The following PTPRD variants were observed in gnomAD, a reference collection of about 807,000 sequenced individuals.
The protein encoded by PTPRD is receptor-type tyrosine-protein phosphatase delta.
A neutral mutation model predicts 214.5 loss-of-function variants in PTPRD; 34 were observed. The ratio of observed to expected loss-of-function variants is 0.16; its 90% confidence interval spans 0.12 to 0.21. The LOEUF (loss-of-function observed/expected upper bound fraction) is 0.21. Among genes scored for constraint, PTPRD ranks in the 10% least tolerant of loss-of-function variants. The pLI is 1.00. For synonymous variants in PTPRD, 1,128 were observed against 845.7 expected, an observed-to-expected ratio of 1.33 and a Z score of -5.79; for missense variants, 2,545 against 2,398.7, an observed-to-expected ratio of 1.06 and a Z score of -1.27.
intron 5 of PTPRD, among the ~76,000 whole-genome samples, chr9:9,838,710 T>G (rs1032681809): frequency 1.2e-4 from 18 of 152,008 alleles, no homozygotes; most frequent in Non-Finnish European, 2.5e-4. Context: ...TCCCATTTTT[T>G]TAGGTTGCCT....
intron 3 of PTPRD, among the ~76,000 whole-genome samples, chr9:10,047,804 T>C (rs1372840906): frequency 6.6e-6 from 1 of 152,152 alleles, no homozygotes; most frequent in African/African-American, 2.4e-5. Flanking sequence ...CATAATTATT[T>C]CATCTACCAA....
chr9:9,047,423 A>G (rs972512405), intron 10 of PTPRD, among the ~76,000 whole-genome samples: 2 of 152,142 alleles, frequency 1.3e-5, no homozygotes, highest in Non-Finnish European at 2.9e-5. Flanking sequence ...CTTTGGAACC[A>G]CAAAGGAACC....
chr9:10,040,782 A>T (rs1389379126), intron 3 of PTPRD, among the ~76,000 whole-genome samples: 1 of 152,110 alleles, frequency 6.6e-6, no homozygotes, highest in African/African-American at 2.4e-5. Flanking sequence ...TTGAGCACTG[A>T]TAAACCTCAC....
intron 33 of PTPRD, among the ~76,000 whole-genome samples, chr9:8,457,034 C>T (rs775907256): frequency 2.0e-5 from 3 of 152,114 alleles, no homozygotes; most frequent in African/African-American, 4.8e-5. Flanking sequence ...TAAGAACTTT[C>T]AATTGCCTTG....
intron 10 of PTPRD, among the ~76,000 whole-genome samples, chr9:9,112,791 A>C (rs1348148996): frequency 2.0e-5 from 3 of 152,184 alleles, no homozygotes; most frequent in African/African-American, 7.2e-5. Flanking sequence ...ATTTCCAATG[A>C]GATAACATAA....
intron 2 of PTPRD, among the ~76,000 whole-genome samples, chr9:10,375,184 A>G (rs2097703994): frequency 6.6e-6 from 1 of 152,086 alleles, no homozygotes; most frequent in African/African-American, 2.4e-5. Flanking sequence ...TTACTGGGGC[A>G]AGTAACTAAA....
At chr9:10,564,453 A>G (rs1048801815) in intron 2 of PTPRD, among the ~76,000 whole-genome samples, 21 of 151,798 alleles carry the variant, frequency 1.4e-4, no homozygotes, top group African/African-American at 2.4e-4. Context: ...AAGAAAAAAA[A>G]AAAAGAAATT....
At chr9:8,577,999 T>C (rs1025319929) in intron 14 of PTPRD, among the ~76,000 whole-genome samples, 12 of 152,222 alleles carry the variant, frequency 7.9e-5, no homozygotes, top group Admixed American at 7.9e-4. Context: ...TTCATTCTTC[T>C]GAATATGCAA....
At chr9:8,905,938 T>C (rs1219509406) in intron 11 of PTPRD, among the ~76,000 whole-genome samples, 2 of 152,170 alleles carry the variant, frequency 1.3e-5, no homozygotes, top group Non-Finnish European at 2.9e-5. Context: ...AATATCACCA[T>C]AGACCAGCTT....
chr9:10,041,276 C>G (rs1027132505), intron 3 of PTPRD, among the ~76,000 whole-genome samples: 48 of 151,950 alleles, frequency 3.2e-4, no homozygotes, highest in African/African-American at 1.1e-3. Flanking sequence ...GAAAGACTGA[C>G]TATATCCTTG....
At chr9:10,139,091 G>A (rs1393042618) in intron 3 of PTPRD, among the ~76,000 whole-genome samples, 1 of 151,964 alleles carries the variant, frequency 6.6e-6, no homozygotes, top group Non-Finnish European at 1.5e-5. Flanking sequence ...AGAAAAAGAA[G>A]AAGTCAAACT....
intron 7 of PTPRD, among the ~76,000 whole-genome samples, chr9:9,638,137 T>A (rs2095831279): frequency 6.6e-6 from 1 of 152,178 alleles, no homozygotes; most frequent in Non-Finnish European, 1.5e-5. Context: ...AACCTGTGAT[T>A]TTTTCCTCTC....
rs1386322160 is a variant in PTPRD at position 8,485,889 on chromosome 9, G to A, written c.2928C>T (p.Asp976=). The A allele has an allele frequency of 1.9e-6, 3 of 1,614,020 alleles. No individual in the cohort carries two copies. Among genetic ancestry groups the A allele is most frequent in the African/African-American group, 2.7e-5 (2 of 74,912 alleles). ...TTAAGCCAGTGAGTGTCATAGTGGT[G>A]TCAGCTGGAACAATAAGCTGCTCCA... ...LPMEQLIVPA[D]TTMTLTGLKP... Residue 976 remains aspartate (D), a synonymous_variant, in exon 28 of 46, where the codon GAC becomes GAT. Coordinates refer to ENST00000381196, the MANE Select transcript of PTPRD (RefSeq NM_002839.4).
chr9:9,404,682 A>ATAGT (rs1569568043), intron 8 of PTPRD, among the ~76,000 whole-genome samples: 1 of 152,070 alleles, frequency 6.6e-6, no homozygotes, highest in Non-Finnish European at 1.5e-5. Context: ...GCGGAAACCT[A>ATAGT]TAGTTCAGTG....
At chr9:10,064,275 A>G (rs2097837382) in intron 3 of PTPRD, among the ~76,000 whole-genome samples, 2 of 151,982 alleles carry the variant, frequency 1.3e-5, no homozygotes, top group South Asian at 2.1e-4. Flanking sequence ...TATTAACTTA[A>G]AACCTTAATG....
At chr9:10,010,313 A>C (rs2096569592) in intron 4 of PTPRD, among the ~76,000 whole-genome samples, 1 of 151,952 alleles carries the variant, frequency 6.6e-6, no homozygotes, top group South Asian at 2.1e-4. Context: ...CTCAAAATGC[A>C]TTAAGCAAGA....
chr9:8,586,802 G>C (rs1266744147), intron 14 of PTPRD, among the ~76,000 whole-genome samples: 2 of 152,138 alleles, frequency 1.3e-5, no homozygotes, highest in Non-Finnish European at 2.9e-5. Flanking sequence ...ATATAAAGTG[G>C]TAAATAATAA....
At chr9:9,926,126 G>A (rs1223511483) in intron 5 of PTPRD, among the ~76,000 whole-genome samples, 1 of 152,052 alleles carries the variant, frequency 6.6e-6, no homozygotes, top group Non-Finnish European at 1.5e-5. Flanking sequence ...CACTGCACCT[G>A]GCCAACTTCT....
chr9:8,697,148 G>A (rs573005465), intron 12 of PTPRD, among the ~76,000 whole-genome samples: 18 of 152,180 alleles, frequency 1.2e-4, no homozygotes, highest in African/African-American at 4.3e-4. Context: ...TGGAACTAGG[G>A]TCAAAATTAA....
Sources: gnomAD v4.1 joint callset for allele counts (sites outside exome capture counted in the v4.1 genomes callset) on GRCh38, gnomAD v4.1.1 for gene constraint, MANE v1.5 for transcripts, NCBI Gene and HGNC (gene_info 2026-07-23, HGNC 2026-07-21) for gene names.